Variants in C7 observed in about 807,000 individuals in gnomAD.
C7 encodes the protein complement C7, also known as complement component C7.
In C7, 83 loss-of-function variants were observed where a neutral mutation model predicts 104.8. The ratio of observed to expected loss-of-function variants is 0.79; its 90% CI spans 0.66 to 0.95. The LOEUF is 0.95. Among genes scored for constraint, C7 ranks in the 40% least tolerant of loss-of-function variants. C7 has a pLI of 0.00. For synonymous variants in C7, 415 were observed against 360.6 expected (o/e 1.15, Z -1.71); for missense variants, 1,070 against 1,011.2 (o/e 1.06, Z -0.79).
At chr5:40,956,071 A>T (rs1740284970) in intron 10 of C7, among the ~76,000 whole-genome samples, 1 of 152,226 alleles carries the variant, frequency 6.6e-6, no homozygotes, top group Non-Finnish European at 1.5e-5. Context: ...TGAGCTATGC[A>T]AAATTGCACA....
intron 9 of C7, among the ~76,000 whole-genome samples, chr5:40,954,002 A>T (rs1740233658): frequency 9.1e-6 from 1 of 109,378 alleles, no homozygotes; most frequent in Non-Finnish European, 2.2e-5. Flanking sequence ...AAAACCACTC[A>T]AAATCCGATC....
chr5:40,980,913 T>G (rs1579882099), intron 17 of C7, among the ~76,000 whole-genome samples: 1 of 152,238 alleles, frequency 6.6e-6, no homozygotes, highest in African/African-American at 2.4e-5. Context: ...CCATGGACTT[T>G]CCATGCACAG....
intron 1 of C7, among the ~76,000 whole-genome samples, chr5:40,926,627 G>T (rs1739560641): frequency 6.6e-6 from 1 of 152,136 alleles, no homozygotes; most frequent in Non-Finnish European, 1.5e-5. Context: ...AATGAACTAT[G>T]TGAGAAAGAC....
intron 15 of C7, among the ~76,000 whole-genome samples, chr5:40,973,389 A>AT (rs1158275251): frequency 6.6e-6 from 1 of 152,216 alleles, no homozygotes; most frequent in Non-Finnish European, 1.5e-5. Context: ...CTAGTATGTG[A>AT]TTTTTAATTA....
rs185684878 is a variant in C7 at position 40,950,224 on chromosome 5, C to T, written c.1093+210C>T. ...CTCCCACTCTCCACTCTCCAAAATG[C>T]CCCAGTGTGTGTTGCTCCTCTGTCT... On this transcript the variant is annotated intron_variant, in intron 9 of 17. Coordinates refer to ENST00000313164, the MANE Select transcript of C7 (RefSeq NM_000587.4). 1.2e-3 allele frequency among the ~76,000 whole-genome samples: 153 copies of T among 130,568 alleles called. 1 individual carries two copies. The highest frequency in any genetic ancestry group is 8.3e-3 in the Middle Eastern group (2 of 242). The allele number at this position is 130,568 out of a possible 152,430, so 85.7% of individuals were successfully genotyped here. A position where few individuals can be genotyped will look rare whatever the true frequency, so the allele number is the denominator to read the frequency against.
intron 1 of C7, among the ~76,000 whole-genome samples, chr5:40,909,971 T>C (rs12109841): frequency 3.5e-5 from 5 of 141,228 alleles, no homozygotes; most frequent in Non-Finnish European, 3.1e-5. Flanking sequence ...TTTCCTCTGG[T>C]GTATTTTTTT....
intron 16 of C7, 32 bp downstream of exon 16, chr5:40,976,872 T>C: frequency 6.8e-7 from 1 of 1,473,278 alleles, no homozygotes; most frequent in Non-Finnish European, 9.3e-7. Context: ...TTCTCTGTTT[T>C]ATTTTATTAA....
chr5:40,957,711 C>G (rs1247646107), intron 10 of C7, among the ~76,000 whole-genome samples: 1 of 151,592 alleles, frequency 6.6e-6, no homozygotes, highest in African/African-American at 2.4e-5. Flanking sequence ...CTGCCGCAGC[C>G]TCTCAAAGTG....
intron 10 of C7, among the ~76,000 whole-genome samples, 196 bp downstream of exon 10, chr5:40,955,749 G>A (rs1263299769): frequency 6.6e-6 from 1 of 152,130 alleles, no homozygotes. Flanking sequence ...TCATATTTTA[G>A]TTGCAAATGT....
chr5:40,952,458 A>T (rs1053289427), intron 9 of C7, among the ~76,000 whole-genome samples: 3 of 139,300 alleles, frequency 2.2e-5, no homozygotes, highest in Non-Finnish European at 4.8e-5. Flanking sequence ...AAACATCATG[A>T]TGGTAGAATC....
chr5:40,947,097 A>ATTTTTTT (rs70988819), intron 7 of C7, among the ~76,000 whole-genome samples: 2 of 127,196 alleles, frequency 1.6e-5, no homozygotes, highest in African/African-American at 2.9e-5. Context: ...CATTACTCAG[A>ATTTTTTT]TTTTTTTTTT....
chr5:40,936,230 G>T, intron 4 of C7, 108 bp from the exon 5 acceptor site: 2 of 823,492 alleles, frequency 2.4e-6, no homozygotes, highest in Non-Finnish European at 2.0e-6. Flanking sequence ...CATTTACATT[G>T]GCGTATCAGT....
intron 1 of C7, among the ~76,000 whole-genome samples, chr5:40,916,138 T>A (rs1739311118): frequency 6.7e-6 from 1 of 149,768 alleles, no homozygotes; most frequent in Non-Finnish European, 1.5e-5. Flanking sequence ...TAATAGAAAC[T>A]ACCTATAATT....
At chr5:40,917,134 C>CAAAAAAA (rs138855377) in intron 1 of C7, among the ~76,000 whole-genome samples, 1 of 113,662 alleles carries the variant, frequency 8.8e-6, no homozygotes, top group African/African-American at 3.4e-5. Flanking sequence ...GACTCCATCT[C>CAAAAAAA]AAAAAAAAAA....
At chr5:40,968,369 G>T (rs1000582900) in intron 14 of C7, among the ~76,000 whole-genome samples, 6 of 151,496 alleles carry the variant, frequency 4.0e-5, no homozygotes, top group Admixed American at 1.3e-4. Context: ...CAAGTAATCT[G>T]CCTGTCTGGG....
intron 7 of C7, 60 bp downstream of exon 7, chr5:40,945,428 T>A: frequency 9.0e-7 from 1 of 1,116,750 alleles, no homozygotes; most frequent in Non-Finnish European, 1.3e-6. Context: ...TTGCTTACAT[T>A]AATAAACTTG....
chr5:40,918,673 A>C (rs1739376025), intron 1 of C7, among the ~76,000 whole-genome samples: 1 of 139,910 alleles, frequency 7.1e-6, no homozygotes, highest in Admixed American at 6.9e-5. Flanking sequence ...AAATAGACTT[A>C]AAGTCAAAAA....
chr5:40,954,877 CAAAAAA>C (rs35360366), intron 9 of C7: 156 of 54,604 alleles, frequency 2.9e-3, no homozygotes, highest in Middle Eastern at 0.014. Context: ...AATACTGTCT[CAAAAAA>C]AAAAAAAAAA....
chr5:40,963,599 C>T (rs894519346), intron 13 of C7, among the ~76,000 whole-genome samples: 1 of 152,100 alleles, frequency 6.6e-6, no homozygotes, highest in African/African-American at 2.4e-5. Flanking sequence ...ATCCCTAGAG[C>T]AGAGCTGGTC....
Sources: gnomAD v4.1 joint callset for allele counts (sites outside exome capture counted in the v4.1 genomes callset) on GRCh38, gnomAD v4.1.1 for gene constraint, MANE v1.5 for transcripts, NCBI Gene and HGNC (gene_info 2026-07-23, HGNC 2026-07-21) for gene names.